TMDD1: variants seen among roughly 807,000 people sequenced by gnomAD.
TMDD1 encodes the protein transmembrane and death domain protein 1.
In TMDD1 at chr12:51,814,677, G is replaced by A. The variant is rs931241006; in HGVS notation, c.217C>T (p.Arg73Trp). 2 of 398,040 alleles carry A rather than the reference G, an allele frequency of 5.0e-6. No homozygotes were observed. The highest frequency in any genetic ancestry group is 8.9e-6 in the Non-Finnish European group (2 of 225,742). The allele number at this position is 398,040 out of a possible 1,614,324, so 24.7% of individuals were successfully genotyped here. A position where few individuals can be genotyped will look rare whatever the true frequency, so the allele number is the denominator to read the frequency against. Residue 73 changes from arginine (R) to tryptophan (W), a missense_variant, in exon 1 of 1, where the codon CGG (arginine) becomes TGG (tryptophan). By Grantham distance (101) the Arg-to-Trp change is moderately radical. Coordinates refer to ENST00000642069, the MANE Select transcript of TMDD1 (RefSeq NM_001386737.1). ...GACGTGGTGTTGAGCGGCTCAGGCC[G>A]CGCCAGCCGGTCTTCAGAAAGCCGG... is the stretch of plus-strand genomic sequence containing the variant. ...LSRLSEDRLA[R>W]PEPLNTTSGS...
Position 51,813,978 on chromosome 12 carries a change from C to A in TMDD1, c.916G>T (p.Ala306Ser), listed in dbSNP as rs914042212. 7 of 398,756 alleles carry A rather than the reference C, an allele frequency of 1.8e-5. No homozygotes were observed. The highest frequency in any genetic ancestry group is 1.4e-4 in the African/African-American group (7 of 48,652). The allele number at this position is 398,756 out of a possible 1,614,324, so 24.7% of individuals were successfully genotyped here. Residue 306 changes from alanine (A) to serine (S), a missense_variant, in exon 1 of 1, where the codon GCA becomes TCA. Coordinates refer to ENST00000642069, the MANE Select transcript of TMDD1 (RefSeq NM_001386737.1). ...AAAGCACCACTGCCCCAAGACTGTG[C>A]TCCCATTTTACAGCTGAGGGCAAGG... The part of the protein sequence containing the change: ...SALALSCKMG[A>S]QSWGSGALDG...
At position 51,814,624 on chromosome 12, in the gene TMDD1, T is replaced by C. The variant is rs1488626661; in HGVS notation, c.270A>G (p.Arg90=). 1.0e-5 allele frequency: 4 copies of C among 397,710 alleles called. No homozygotes were observed. Among genetic ancestry groups the C allele is most frequent in the South Asian group, 1.3e-4 (1 of 7,844 alleles). 24.6% of individuals were successfully genotyped at this position (397,710 alleles called of 1,614,324 possible). A position where few individuals can be genotyped will look rare whatever the true frequency, so the allele number is the denominator to read the frequency against. The stretch of plus-strand genomic sequence containing the variant: ...TGCCCGCCGGGTCCTCGGCCGCCTC[T>C]CGCCGCCGCCGCCGGCTCGGAGACC... The part of the protein sequence containing the change: ...TSGSPSRRRR[R]EAAEDPAGRV... Residue 90 remains arginine, a synonymous_variant, in exon 1 of 1, where the codon CGA becomes CGG. Coordinates refer to ENST00000642069, the MANE Select transcript of TMDD1 (RefSeq NM_001386737.1).
Position 51,814,168 on chromosome 12 carries a change from T to C in TMDD1, c.726A>G (p.Leu242=), listed in dbSNP as rs1465263537. Residue 242 remains leucine (L), a synonymous_variant, in exon 1 of 1, where the codon CTA becomes CTG. Transcript: ENST00000642069. Reference sequence around the variant, plus strand: ...GGTCGCCGTCGCCGCCAGTGATCCATAGCGTGAGCAGGACGACCAGCGCCC... The same window carrying C: ...GGTCGCCGTCGCCGCCAGTGATCCACAGCGTGAGCAGGACGACCAGCGCCC... The part of the protein sequence containing the change: ...GTGALVVLLT[L]WITGGDGDRA... 5 of 385,560 alleles carry C rather than the reference T, an allele frequency of 1.3e-5. No homozygotes were observed. The East Asian group carries it at 1.5e-4, about 11-fold the overall frequency. The allele number at this position is 385,560 out of a possible 1,614,324, so 23.9% of individuals were successfully genotyped here. A position where few individuals can be genotyped will look rare whatever the true frequency, so the allele number is the denominator to read the frequency against.
chr12:51,814,135 C>G lies in TMDD1; in HGVS notation c.759G>C (p.Ser253=). The part of the protein sequence containing the change: ...WITGGDGDRA[S]PGSPGPLATV... ...TGGCGAGCGGGCCGGGGCTGCCGGG[C>G]GACGCCCGGTCGCCGTCGCCGCCAG... The change falls in exon 1 of 1, where the codon TCG becomes TCC. Residue 253 remains serine, a synonymous_variant. Coordinates refer to ENST00000642069, the MANE Select transcript of TMDD1 (RefSeq NM_001386737.1). 1 of 327,812 alleles carries G rather than the reference C, an allele frequency of 3.1e-6. No homozygotes were observed. Among genetic ancestry groups the G allele is most frequent in the Non-Finnish European group, 5.1e-6 (1 of 197,612 alleles). The allele number at this position is 327,812 out of a possible 1,614,324, so 20.3% of individuals were successfully genotyped here. A position where few individuals can be genotyped will look rare whatever the true frequency, so the allele number is the denominator to read the frequency against.
chr12:51,814,832 G>C lies in TMDD1; in HGVS notation c.62C>G (p.Pro21Arg), dbSNP rs1456242353. 2.5e-6 allele frequency: 1 copy of C among 398,286 alleles called. No individual in the cohort carries two copies. The highest frequency in any genetic ancestry group is 2.1e-5 in the African/African-American group (1 of 48,634). 24.7% of individuals were successfully genotyped at this position (398,286 alleles called of 1,614,324 possible). A position where few individuals can be genotyped will look rare whatever the true frequency, so the allele number is the denominator to read the frequency against. Residue 21 changes from proline to arginine, a missense_variant, in exon 1 of 1, where the codon CCG becomes CGG. Transcript: ENST00000642069. The stretch of plus-strand genomic sequence containing the variant: ...GCCCATAGCGTCCACGGCCCCCGCC[G>C]GAGCCAGCGCCCAAACCCAGAGCGT... ...VLTLWVWALA[P>R]AGAVDAMGPH...
At position 51,814,412 on chromosome 12, in the gene TMDD1, A is replaced by G. The variant is rs1351895246; in HGVS notation, c.482T>C (p.Phe161Ser). Residue 161 changes from phenylalanine (F) to serine (S), a missense_variant, in exon 1 of 1, where the codon TTC becomes TCC. Coordinates refer to ENST00000642069, the MANE Select transcript of TMDD1 (RefSeq NM_001386737.1). ...GGGCCGCGGCAGGAAGCGCTGCCCG[A>G]ACTTGCGCAGCTGCAGCGTCGCCTG... ...HQQATLQLRK[F>S]GQRFLPRPGA... 1 of 368,892 alleles carries G rather than the reference A, an allele frequency of 2.7e-6. No individual in the cohort carries two copies. The highest frequency in any genetic ancestry group is 4.8e-6 in the Non-Finnish European group (1 of 206,952). 22.9% of individuals were successfully genotyped at this position (368,892 alleles called of 1,614,324 possible).
Position 51,814,174 on chromosome 12 carries a change from G to T in TMDD1, c.720C>A (p.Leu240=). The T allele has an allele frequency of 2.5e-6, 1 of 397,260 alleles. No homozygotes were observed. The highest frequency in any genetic ancestry group is 4.4e-6 in the Non-Finnish European group (1 of 225,480). 24.6% of individuals were successfully genotyped at this position (397,260 alleles called of 1,614,324 possible). A position where few individuals can be genotyped will look rare whatever the true frequency, so the allele number is the denominator to read the frequency against. ...CGTCGCCGCCAGTGATCCATAGCGTGAGCAGGACGACCAGCGCCCCGGTGC... is the reference window on the plus strand; with the variant it reads ...CGTCGCCGCCAGTGATCCATAGCGTTAGCAGGACGACCAGCGCCCCGGTGC... ...ALGTGALVVL[L]TLWITGGDGD... is the part of the protein sequence containing the mutation. The change falls in exon 1 of 1, where the codon CTC becomes CTA. Residue 240 remains leucine (L), a synonymous_variant. Transcript: ENST00000642069.
In TMDD1 at chr12:51,814,450, C is replaced by T. The variant is rs925464276; in HGVS notation, c.444G>A (p.Lys148=). The T allele has an allele frequency of 1.2e-4, 44 of 378,290 alleles. No individual in the cohort carries two copies. The Middle Eastern group carries it at 3.4e-3, about 29-fold the overall frequency. 23.4% of individuals were successfully genotyped at this position (378,290 alleles called of 1,614,324 possible). A position where few individuals can be genotyped will look rare whatever the true frequency, so the allele number is the denominator to read the frequency against. ...GCAGCGTCGCCTGCTGGTGGAGGTT[C>T]TTGCCCAGCTCCCTGGCCACGTCCG... ...GRPDVARELG[K]NLHQQATLQL... is the part of the protein sequence containing the mutation. The change falls in exon 1 of 1, where the codon AAG becomes AAA. Residue 148 remains lysine, a synonymous_variant. Coordinates refer to ENST00000642069, the MANE Select transcript of TMDD1 (RefSeq NM_001386737.1).
In TMDD1 at chr12:51,814,312, G is replaced by A. The variant is rs1477617965; in HGVS notation, c.582C>T (p.Asp194=). The A allele has an allele frequency of 2.6e-5, 10 of 389,114 alleles. No individual in the cohort carries two copies. Among genetic ancestry groups the A allele is most frequent in the African/African-American group, 2.1e-4 (10 of 48,070 alleles). The allele number at this position is 389,114 out of a possible 1,614,324, so 24.1% of individuals were successfully genotyped here. A position where few individuals can be genotyped will look rare whatever the true frequency, so the allele number is the denominator to read the frequency against. The change falls in exon 1 of 1, where the codon GAC becomes GAT. Residue 194 remains aspartate, a synonymous_variant. Transcript: ENST00000642069. The part of the protein sequence containing the change: ...RRAAVPAPDW[D]ALQLIVERLP... ...GGCGCTCCACGATCAGCTGCAGGGCGTCCCAGTCCGGCGCGGGGACCGCGG... is the reference window on the plus strand; with the variant it reads ...GGCGCTCCACGATCAGCTGCAGGGCATCCCAGTCCGGCGCGGGGACCGCGG...
chr12:51,814,284 G>T lies in TMDD1; in HGVS notation c.610C>A (p.Pro204Thr), dbSNP rs1939014568. 3 of 393,510 alleles carry T rather than the reference G, an allele frequency of 7.6e-6. No individual in the cohort carries two copies. Among genetic ancestry groups the T allele is most frequent in the African/African-American group, 4.1e-5 (2 of 48,294 alleles). The allele number at this position is 393,510 out of a possible 1,614,324, so 24.4% of individuals were successfully genotyped here. A position where few individuals can be genotyped will look rare whatever the true frequency, so the allele number is the denominator to read the frequency against. The change falls in exon 1 of 1, where the codon CCG (proline) becomes ACG (threonine). Residue 204 changes from proline to threonine, a missense_variant. Pro to Thr is a conservative substitution (Grantham distance 38). Transcript: ENST00000642069. The part of the protein sequence containing the change: ...DALQLIVERL[P>T]QPLYERSPMG... ...GGGCTCCGCTCGTACAGGGGCTGCG[G>T]CAGGCGCTCCACGATCAGCTGCAGG...
chr12:51,814,003 G>A lies in TMDD1; in HGVS notation c.891C>T (p.Ala297=), dbSNP rs1175593576. ...DGPDSPSPHS[A]LALSCKMGAQ... is the part of the protein sequence containing the mutation. ...CTCCCATTTTACAGCTGAGGGCAAG[G>A]GCACTGTGAGGTGAGGGAGAATCTG... is the stretch of plus-strand genomic sequence containing the variant. Residue 297 remains alanine (A), a synonymous_variant, in exon 1 of 1, where the codon GCC becomes GCT. Coordinates refer to ENST00000642069, the MANE Select transcript of TMDD1 (RefSeq NM_001386737.1). The A allele has an allele frequency of 5.0e-6, 2 of 399,032 alleles. No individual in the cohort carries two copies. Among genetic ancestry groups the A allele is most frequent in the Non-Finnish European group, 8.8e-6 (2 of 226,514 alleles). The allele number at this position is 399,032 out of a possible 1,614,324, so 24.7% of individuals were successfully genotyped here.
rs1255147529 is a variant in TMDD1, at chr12:51,814,778, A to C, written c.116T>G (p.Leu39Arg). ...GPHAAVRLAE[L>R]LTPEECGHFR... ...ATGGCCGCACTCCTCCGGGGTCAGC[A>C]GCTCGGCCAGACGGACGGCTGCGTG... Residue 39 changes from leucine (L) to arginine (R), a missense_variant, in exon 1 of 1, where the codon CTG becomes CGG. Leu to Arg is a moderately radical substitution (Grantham distance 102). Coordinates refer to ENST00000642069, the MANE Select transcript of TMDD1 (RefSeq NM_001386737.1). The C allele has an allele frequency of 2.5e-6, 1 of 398,138 alleles. No homozygotes were observed. Among genetic ancestry groups the C allele is most frequent in the Non-Finnish European group, 4.4e-6 (1 of 225,786 alleles). 24.7% of individuals were successfully genotyped at this position (398,138 alleles called of 1,614,324 possible).
Position 51,814,556 on chromosome 12 carries a change from G to A in TMDD1, c.338C>T (p.Ala113Val), listed in dbSNP as rs905671855. 17 of 394,892 alleles carry A rather than the reference G, an allele frequency of 4.3e-5. No homozygotes were observed. Among genetic ancestry groups the A allele is most frequent in the Non-Finnish European group, 7.2e-5 (16 of 223,750 alleles). 24.5% of individuals were successfully genotyped at this position (394,892 alleles called of 1,614,324 possible). A position where few individuals can be genotyped will look rare whatever the true frequency, so the allele number is the denominator to read the frequency against. ...CTGGGGGGCCAGCCAGGCCGCCAGCGCCTCCCGGCAGCCGTCGGACACCTC... is the reference window on the plus strand; with the variant it reads ...CTGGGGGGCCAGCCAGGCCGCCAGCACCTCCCGGCAGCCGTCGGACACCTC... ...PGEVSDGCREALAAWLAPQAA... is the reference protein window; with the variant it reads ...PGEVSDGCREVLAAWLAPQAA... Residue 113 changes from alanine to valine, a missense_variant, in exon 1 of 1, where the codon GCG becomes GTG. Ala to Val is a moderately conservative substitution (Grantham distance 64). Transcript: ENST00000642069.
rs2138960203 is a variant in TMDD1 at position 51,814,420 on chromosome 12, C to T, written c.474G>A (p.Leu158=). Residue 158 remains leucine (L), a synonymous_variant, in exon 1 of 1, where the codon CTG becomes CTA. Coordinates refer to ENST00000642069, the MANE Select transcript of TMDD1 (RefSeq NM_001386737.1). Reference sequence around the variant, plus strand: ...GCAGGAAGCGCTGCCCGAACTTGCGCAGCTGCAGCGTCGCCTGCTGGTGGA... The same window carrying T: ...GCAGGAAGCGCTGCCCGAACTTGCGTAGCTGCAGCGTCGCCTGCTGGTGGA... ...KNLHQQATLQ[L]RKFGQRFLPR... is the part of the protein sequence containing the mutation. The T allele has an allele frequency of 2.7e-6, 1 of 371,502 alleles. No individual in the cohort carries two copies. Among genetic ancestry groups the T allele is most frequent in the South Asian group, 1.3e-4 (1 of 7,692 alleles). 23.0% of individuals were successfully genotyped at this position (371,502 alleles called of 1,614,324 possible).
In TMDD1 at chr12:51,814,375, G is replaced by A. The variant is rs1183171311; in HGVS notation, c.519C>T (p.Ala173=). The A allele has an allele frequency of 2.8e-6, 1 of 356,790 alleles. No individual in the cohort carries two copies. The highest frequency in any genetic ancestry group is 2.1e-5 in the African/African-American group (1 of 46,812). 22.1% of individuals were successfully genotyped at this position (356,790 alleles called of 1,614,324 possible). A position where few individuals can be genotyped will look rare whatever the true frequency, so the allele number is the denominator to read the frequency against. The change falls in exon 1 of 1, where the codon GCC becomes GCT. Residue 173 remains alanine, a synonymous_variant. Coordinates refer to ENST00000642069, the MANE Select transcript of TMDD1 (RefSeq NM_001386737.1). Reference sequence around the variant, plus strand: ...GCGGGGCCGGGGCAAAGGGCACGCGGGCGGCGGCGCCGGGCCGCGGCAGGA... The same window carrying A: ...GCGGGGCCGGGGCAAAGGGCACGCGAGCGGCGGCGCCGGGCCGCGGCAGGA... ...QRFLPRPGAA[A]RVPFAPAPRP...
chr12:51,814,459 C>T lies in TMDD1; in HGVS notation c.435G>A (p.Glu145=). 1 of 379,748 alleles carries T rather than the reference C, an allele frequency of 2.6e-6. No homozygotes were observed. Among genetic ancestry groups the T allele is most frequent in the East Asian group, 3.8e-5 (1 of 26,334 alleles). The allele number at this position is 379,748 out of a possible 1,614,324, so 23.5% of individuals were successfully genotyped here. A position where few individuals can be genotyped will look rare whatever the true frequency, so the allele number is the denominator to read the frequency against. Reference sequence around the variant, plus strand: ...CCTGCTGGTGGAGGTTCTTGCCCAGCTCCCTGGCCACGTCCGGGCGGCCGC... The same window carrying T: ...CCTGCTGGTGGAGGTTCTTGCCCAGTTCCCTGGCCACGTCCGGGCGGCCGC... ...RRSGRPDVAR[E]LGKNLHQQAT... is the part of the protein sequence containing the mutation. The change falls in exon 1 of 1, where the codon GAG becomes GAA. Residue 145 remains glutamate, a synonymous_variant. Transcript: ENST00000642069.
Position 51,813,987 on chromosome 12 carries a change from T to C in TMDD1, c.907A>G (p.Lys303Glu), listed in dbSNP as rs540101307. 240 of 398,926 alleles carry C rather than the reference T, an allele frequency of 6.0e-4. 2 individuals are homozygous for C. Among genetic ancestry groups the C allele is most frequent in the African/African-American group, 4.5e-3 (218 of 48,770 alleles). The allele number at this position is 398,926 out of a possible 1,614,324, so 24.7% of individuals were successfully genotyped here. ...SPHSALALSCKMGAQSWGSGA... is the reference protein window; with the variant it reads ...SPHSALALSCEMGAQSWGSGA... Reference sequence around the variant, plus strand: ...CTGCCCCAAGACTGTGCTCCCATTTTACAGCTGAGGGCAAGGGCACTGTGA... The same window carrying C: ...CTGCCCCAAGACTGTGCTCCCATTTCACAGCTGAGGGCAAGGGCACTGTGA... Residue 303 changes from lysine to glutamate, a missense_variant, in exon 1 of 1, where the codon AAA (lysine) becomes GAA (glutamate). Coordinates refer to ENST00000642069, the MANE Select transcript of TMDD1 (RefSeq NM_001386737.1).
chr12:51,814,490 C>T lies in TMDD1; in HGVS notation c.404G>A (p.Arg135Gln), dbSNP rs1939019019. Reference protein sequence around the residue: ...LSWDRLARALRRSGRPDVARE... With the variant: ...LSWDRLARALQRSGRPDVARE... ...GGCCACGTCCGGGCGGCCGCTGCGC[C>T]GCAGGGCCCGAGCCAGGCGGTCCCA... is the stretch of plus-strand genomic sequence containing the variant. The change falls in exon 1 of 1, where the codon CGG becomes CAG. Residue 135 changes from arginine to glutamine, a missense_variant. By Grantham distance (43) the Arg-to-Gln change is conservative. Coordinates refer to ENST00000642069, the MANE Select transcript of TMDD1 (RefSeq NM_001386737.1). 1.3e-5 allele frequency: 5 copies of T among 385,126 alleles called. No homozygotes were observed. The East Asian group carries it at 1.9e-4, about 14-fold the overall frequency. 23.9% of individuals were successfully genotyped at this position (385,126 alleles called of 1,614,324 possible).
At position 51,814,648 on chromosome 12, in the gene TMDD1, C is replaced by A. The variant is rs1370084612; in HGVS notation, c.246G>T (p.Gly82=). ...ARPEPLNTTS[G]SPSRRRRREA... ...CTCGCCGCCGCCGCCGGCTCGGAGACCCCGACGTGGTGTTGAGCGGCTCAG... is the reference window on the plus strand; with the variant it reads ...CTCGCCGCCGCCGCCGGCTCGGAGAACCCGACGTGGTGTTGAGCGGCTCAG... Residue 82 remains glycine, a synonymous_variant, in exon 1 of 1, where the codon GGG becomes GGT. Coordinates refer to ENST00000642069, the MANE Select transcript of TMDD1 (RefSeq NM_001386737.1). The A allele has an allele frequency of 5.0e-6, 2 of 398,232 alleles. No homozygotes were observed. Among genetic ancestry groups the A allele is most frequent in the Non-Finnish European group, 8.9e-6 (2 of 225,934 alleles). The allele number at this position is 398,232 out of a possible 1,614,324, so 24.7% of individuals were successfully genotyped here.
Sources: allele counts gnomAD v4.1 joint callset, GRCh38; gene constraint gnomAD v4.1.1; transcripts MANE v1.5; gene names NCBI Gene and HGNC (gene_info 2026-07-23, HGNC 2026-07-21).